Variants in KIF14 observed in about 807,000 individuals in gnomAD.
The protein encoded by KIF14 is kinesin-like protein KIF14.
A neutral mutation model predicts 176.2 loss-of-function variants in KIF14; 98 were observed. The ratio of observed to expected loss-of-function variants is 0.56; its 90% CI spans 0.47 to 0.66. The LOEUF is 0.66. Ranked by LOEUF, KIF14 falls within the 30% of genes least tolerant of loss-of-function variation. The pLI is 0.00. For synonymous variants in KIF14, 566 were observed against 632.2 expected, an observed-to-expected ratio of 0.90 and a Z score of 1.57; for missense variants, 1,751 against 1,920.4, an observed-to-expected ratio of 0.91 and a Z score of 1.65.
At chr1:200,559,991 G>A (rs1198218351) in intron 26 of KIF14, among the ~76,000 whole-genome samples, 1 of 152,162 alleles carries the variant, frequency 6.6e-6, no homozygotes, top group Non-Finnish European at 1.5e-5. Context: ...CTGACCTCAG[G>A]TGATCCACCA....
chr1:200,603,419 C>T (rs1175689950), intron 9 of KIF14, 78 bp from the exon 10 acceptor site: 1 of 724,188 alleles, frequency 1.4e-6, no homozygotes, highest in Admixed American at 2.1e-5. Context: ...ATATTTCTCC[C>T]CTCATATAAT....
intron 27 of KIF14, among the ~76,000 whole-genome samples, chr1:200,556,977 A>G (rs1656865509): frequency 6.6e-6 from 1 of 152,088 alleles, no homozygotes; most frequent in African/African-American, 2.4e-5. Context: ...ATTTAGTAAC[A>G]ATGTGTTTTT....
chr1:200,604,981 A>G (rs979604734), intron 8 of KIF14, among the ~76,000 whole-genome samples: 2 of 152,194 alleles, frequency 1.3e-5, no homozygotes, highest in African/African-American at 4.8e-5. Flanking sequence ...TAAACGGTAT[A>G]CTGCCATAAG....
intron 25 of KIF14, 138 bp from the exon 26 acceptor site, chr1:200,561,018 G>A (rs1657114411): frequency 2.9e-6 from 2 of 683,484 alleles, no homozygotes; most frequent in Admixed American, 2.6e-5. Flanking sequence ...ATCGCCTGAG[G>A]TCAGGAGTTC....
chr1:200,608,985 T>C (rs1660023286), intron 4 of KIF14, 57 bp from the exon 5 acceptor site: 3 of 992,946 alleles, frequency 3.0e-6, no homozygotes, highest in South Asian at 1.5e-5. Flanking sequence ...AAATCATATC[T>C]GTGGTTAGGA....
Position 200,614,417 on chromosome 1 carries a change from A to G in KIF14, c.1368-12T>C, listed in dbSNP as rs759425478. ...TAAATCCCATCATCCTGAAAAATAC[A>G]TTATGAATAAGGGGGAAATAAAACT... On this transcript the variant is annotated splice_polypyrimidine_tract_variant and intron_variant, in intron 3 of 29. Coordinates refer to ENST00000367350, the MANE Select transcript of KIF14 (RefSeq NM_014875.3). The G allele has an allele frequency of 1.4e-6, 2 of 1,468,828 alleles. No individual in the cohort carries two copies. Among genetic ancestry groups the G allele is most frequent in the East Asian group, 2.3e-5 (1 of 44,154 alleles). The allele number at this position is 1,468,828 out of a possible 1,614,324, so 91.0% of individuals were successfully genotyped here. A position where few individuals can be genotyped will look rare whatever the true frequency, so the allele number is the denominator to read the frequency against.
chr1:200,615,445 T>G lies in KIF14; in HGVS notation c.1277A>C (p.Lys426Thr). Residue 426 changes from lysine to threonine, a missense_variant, in exon 3 of 30, where the codon AAG becomes ACG. Transcript: ENST00000367350. ...HYASQTTVYE[K>T]LAAPLLERAF... is the part of the protein sequence containing the mutation. ...TCTTTCTAGGAGTGGTGCTGCTAGC[T>G]TCTCATAGACAGTTGTCTGGCTAGC... is the stretch of plus-strand genomic sequence containing the variant. 6.2e-7 allele frequency: 1 copy of G among 1,613,988 alleles called. No individual in the cohort carries two copies. Among genetic ancestry groups the G allele is most frequent in the Non-Finnish European group, 8.5e-7 (1 of 1,179,842 alleles).
chr1:200,592,666 C>A (rs1444113292), intron 15 of KIF14, among the ~76,000 whole-genome samples: 3 of 152,174 alleles, frequency 2.0e-5, no homozygotes, highest in Non-Finnish European at 4.4e-5. Flanking sequence ...CCAAACACTG[C>A]ATTAAGCACA....
intron 23 of KIF14, among the ~76,000 whole-genome samples, chr1:200,566,569 G>T (rs1276877533): frequency 6.7e-6 from 1 of 150,300 alleles, no homozygotes; most frequent in African/African-American, 2.5e-5. Flanking sequence ...CTCCAGCCTG[G>T]GCAACAGAAC....
Position 200,605,887 on chromosome 1 carries a change from C to T in KIF14, c.1615G>A (p.Val539Ile). The T allele has an allele frequency of 6.5e-7, 1 of 1,530,060 alleles. No homozygotes were observed. The highest frequency in any genetic ancestry group is 8.8e-7 in the Non-Finnish European group (1 of 1,134,526). 94.8% of individuals were successfully genotyped at this position (1,530,060 alleles called of 1,614,324 possible). ...ACCTGGATATCAGCGTAAGAACTGACAATGTTCCTATTTTTAAGAAGTGAA... is the reference window on the plus strand; with the variant it reads ...ACCTGGATATCAGCGTAAGAACTGATAATGTTCCTATTTTTAAGAAGTGAA... ...PYVEALSMNIVSSYADIQSWL... is the reference protein window; with the variant it reads ...PYVEALSMNIISSYADIQSWL... The change falls in exon 7 of 30, where the codon GTC becomes ATC. Residue 539 changes from valine (V) to isoleucine (I), a missense_variant. Transcript: ENST00000367350.
rs869174532 is a variant in KIF14, at chr1:200,573,427, C to CTTTTTTTTTTTTTTTTTTTTT, written c.3566+2143_3566+2163dup. Among the ~76,000 whole-genome samples, 18 of 77,748 alleles carry CTTTTTTTTTTTTTTTTTTTTT rather than the reference C, an allele frequency of 2.3e-4. 2 individuals carry two copies. The highest frequency in any genetic ancestry group is 9.7e-4 in the African/African-American group (17 of 17,558). 51.0% of individuals were successfully genotyped at this position (77,748 alleles called of 152,430 possible). A position where few individuals can be genotyped will look rare whatever the true frequency, so the allele number is the denominator to read the frequency against. ...TTCCCTACACTCAAGGAGCTCATTT[C>CTTTTTTTTTTTTTTTTTTTTT]TTTTTTTTTTTTTTTTTTTTTTTTG... On this transcript the variant is annotated intron_variant, in intron 22 of 29. Coordinates refer to ENST00000367350, the MANE Select transcript of KIF14 (RefSeq NM_014875.3).
chr1:200,597,518 T>C (rs1166130198), intron 14 of KIF14, among the ~76,000 whole-genome samples: 1 of 152,226 alleles, frequency 6.6e-6, no homozygotes, highest in East Asian at 1.9e-4. Flanking sequence ...GATATACTAT[T>C]TAGTGTTCAT....
At chr1:200,614,195 G>C in intron 4 of KIF14, 123 bp downstream of exon 4, 1 of 561,428 alleles carries the variant, frequency 1.8e-6, no homozygotes, top group South Asian at 2.6e-5. Flanking sequence ...TTCCAAAGAA[G>C]AGTGATCTAC....
At position 200,552,340 on chromosome 1, in the gene KIF14, G is replaced by C. The variant is rs1005150810; in HGVS notation, c.*1048C>G. The stretch of plus-strand genomic sequence containing the variant: ...CTTTATTACTTGATCATAAATAAAG[G>C]TTTTTTTTTAAAGCTGTGGAAAATA... On this transcript the variant is annotated 3_prime_UTR_variant, in exon 30 of 30. Transcript: ENST00000367350. 2.0e-5 allele frequency: 3 copies of C among 150,864 alleles called. No individual in the cohort carries two copies. Among genetic ancestry groups the C allele is most frequent in the African/African-American group, 7.3e-5 (3 of 41,028 alleles). The allele number at this position is 150,864 out of a possible 1,614,324, so 9.3% of individuals were successfully genotyped here.
At position 200,597,849 on chromosome 1, in the gene KIF14, A is replaced by G. The variant is rs1659429704; in HGVS notation, c.2549+388T>C. ...TTACATACGCTATCATTCCAACAAT[A>G]TATACAAGTATTCCATTCATATGAA... On this transcript the variant is annotated intron_variant, in intron 14 of 29. Transcript: ENST00000367350. Among the ~76,000 whole-genome samples the G allele has an allele frequency of 2.0e-5, 3 of 152,346 alleles. No homozygotes were observed. In the South Asian group the frequency reaches 6.2e-4, roughly 32 times the overall value.
At chr1:200,613,158 G>T (rs1558092310) in intron 4 of KIF14, among the ~76,000 whole-genome samples, 1 of 152,080 alleles carries the variant, frequency 6.6e-6, no homozygotes, top group Non-Finnish European at 1.5e-5. Context: ...AAAGTACTGG[G>T]ATTACAGGCA....
chr1:200,604,265 G>A lies in KIF14; in HGVS notation c.1747-310C>T, dbSNP rs554457216. Among the ~76,000 whole-genome samples the A allele has an allele frequency of 2.5e-4, 38 of 152,044 alleles. 1 individual carries two copies. Among genetic ancestry groups the A allele is most frequent in the South Asian group, 2.5e-3 (12 of 4,808 alleles). ...TATTTTTTAGTACAGACAAGGTCTC[G>A]CTATGTTGCTCAGACTAGTCTCAAA... is the stretch of plus-strand genomic sequence containing the variant. On this transcript the variant is annotated intron_variant, in intron 8 of 29. Coordinates refer to ENST00000367350, the MANE Select transcript of KIF14 (RefSeq NM_014875.3).
At position 200,600,205 on chromosome 1, in the gene KIF14, C is replaced by A. The variant is rs1659555216; in HGVS notation, c.2301-92G>T. The A allele has an allele frequency of 8.5e-6, 10 of 1,178,824 alleles. No homozygotes were observed. In the South Asian group the frequency reaches 1.1e-4, roughly 12 times the overall value. The allele number at this position is 1,178,824 out of a possible 1,614,324, so 73.0% of individuals were successfully genotyped here. A position where few individuals can be genotyped will look rare whatever the true frequency, so the allele number is the denominator to read the frequency against. ...ACAATCAATGAAAATTAGGCAACTA[C>A]CTAGTAATATTTAAAATATGATAAT... On this transcript the variant is annotated intron_variant, in intron 12 of 29. Transcript: ENST00000367350.
intron 2 of KIF14, among the ~76,000 whole-genome samples, chr1:200,616,123 T>C (rs10919982): frequency 0.01 from 1,548 of 152,326 alleles, 15 homozygotes; most frequent in South Asian, 0.022. Flanking sequence ...AATCTTTCTG[T>C]ATATCCTTTT....
Sources: allele counts gnomAD v4.1 joint callset (sites outside exome capture counted in the v4.1 genomes callset), GRCh38; gene constraint gnomAD v4.1.1; transcripts MANE v1.5; gene names NCBI Gene and HGNC (gene_info 2026-07-23, HGNC 2026-07-21).